KLF8: variants seen among roughly 807,000 people sequenced by gnomAD.
The protein encoded by KLF8 is KLF transcription factor 8.
In KLF8, 10 loss-of-function variants were observed where a neutral mutation model predicts 18.2. The ratio of observed to expected loss-of-function variants is 0.55; its 90% CI spans 0.34 to 0.93. The LOEUF (loss-of-function observed/expected upper bound fraction) is 0.93, where lower values mean the gene tolerates loss of function less well. Ranked by LOEUF, KLF8 falls within the 40% of genes least tolerant of loss-of-function variation. KLF8 has a pLI of 0.02. For synonymous variants in KLF8, 109 were observed against 97.3 expected (o/e 1.12, Z -0.71); for missense variants, 264 against 277.9 (o/e 0.95, Z 0.36).
the KLF8 span, among the ~76,000 whole-genome samples, chrX:56,132,405 T>C: frequency 1.8e-5 from 2 of 111,566 alleles, no homozygotes; most frequent in South Asian, 7.5e-4. Flanking sequence ...AACAATGAAA[T>C]GAAGAGGCAA....
At chrX:55,985,625 T>A in the KLF8 span, among the ~76,000 whole-genome samples, 452 of 87,827 alleles carry the variant, frequency 5.1e-3, 3 homozygotes, top group African/African-American at 0.016. Context: ...TTTGGTTCCA[T>A]AAGAATTTTA....
the KLF8 span, among the ~76,000 whole-genome samples, chrX:56,064,999 T>C: frequency 9.0e-6 from 1 of 111,659 alleles, no homozygotes; most frequent in Non-Finnish European, 1.9e-5. Context: ...CGCCTTTATG[T>C]GCATTTTTGG....
chrX:56,107,844 G>A, the KLF8 span, among the ~76,000 whole-genome samples: 1 of 111,404 alleles, frequency 9.0e-6, no homozygotes, highest in Non-Finnish European at 1.9e-5. Flanking sequence ...GATCCTATTC[G>A]GCCATCTTAG....
chrX:56,048,435 A>G, the KLF8 span, among the ~76,000 whole-genome samples: 1 of 111,467 alleles, frequency 9.0e-6, no homozygotes, highest in Non-Finnish European at 1.9e-5. Context: ...ATCTTGAATT[A>G]ATTTTTGTAT....
chrX:56,187,060 C>A, the KLF8 span, among the ~76,000 whole-genome samples: 81 of 111,429 alleles, frequency 7.3e-4, 1 homozygote, highest in Admixed American at 7.7e-3. Context: ...ACAAAAAACC[C>A]TTCAAAAAAT....
At chrX:56,126,775 C>CGAA in the KLF8 span, among the ~76,000 whole-genome samples, 1 of 83,781 alleles carries the variant, frequency 1.2e-5, no homozygotes, top group African/African-American at 4.6e-5. Context: ...TTTTTTGAGA[C>CGAA]GAAGTCTCGC....
the KLF8 span, among the ~76,000 whole-genome samples, chrX:55,991,038 G>A: frequency 2.7e-5 from 3 of 112,168 alleles, no homozygotes; most frequent in Admixed American, 9.4e-5. Flanking sequence ...GTCAGACAGG[G>A]ACATTTAAGT....
the KLF8 span, among the ~76,000 whole-genome samples, chrX:56,045,484 T>C: frequency 8.9e-6 from 1 of 112,360 alleles, no homozygotes; most frequent in African/African-American, 3.2e-5. Flanking sequence ...TAGATTGCTT[T>C]TAGCAGTATG....
At chrX:56,189,615 C>G in the KLF8 span, among the ~76,000 whole-genome samples, 3 of 110,679 alleles carry the variant, frequency 2.7e-5, no homozygotes, top group Admixed American at 9.6e-5. Context: ...GTCTTGGAAC[C>G]AAGCCAAATG....
chrX:56,129,270 G>T, the KLF8 span, among the ~76,000 whole-genome samples: 1 of 112,073 alleles, frequency 8.9e-6, no homozygotes, highest in South Asian at 3.7e-4. Context: ...GACCAGAAAA[G>T]CTGAGAGAAT....
the KLF8 span, among the ~76,000 whole-genome samples, chrX:55,927,606 G>C: frequency 8.9e-6 from 1 of 112,011 alleles, no homozygotes; most frequent in African/African-American, 3.2e-5. Context: ...TAATTTTCCA[G>C]TCTAGGGATT....
the KLF8 span, among the ~76,000 whole-genome samples, chrX:56,050,582 G>A: frequency 8.9e-6 from 1 of 112,304 alleles, no homozygotes; most frequent in Non-Finnish European, 1.9e-5. Flanking sequence ...GTGGTTTTCA[G>A]TGAGATTCTT....
chrX:55,918,769 CT>C, the KLF8 span, among the ~76,000 whole-genome samples: 2 of 111,254 alleles, frequency 1.8e-5, no homozygotes, highest in African/African-American at 6.5e-5. Context: ...TGTGTCTTCA[CT>C]TGTCACTTTC....
chrX:56,170,297 C>T, the KLF8 span, among the ~76,000 whole-genome samples: 7 of 110,261 alleles, frequency 6.3e-5, no homozygotes, highest in African/African-American at 2.0e-4. Context: ...TATCCACAAG[C>T]ATCAAGACCA....
At chrX:56,045,620 G>A in the KLF8 span, among the ~76,000 whole-genome samples, 1 of 111,639 alleles carries the variant, frequency 9.0e-6, no homozygotes, top group African/African-American at 3.2e-5. Flanking sequence ...TGTCTTTCAT[G>A]TCCTTGGTTA....
the KLF8 span, among the ~76,000 whole-genome samples, chrX:56,094,904 C>A: frequency 9.0e-6 from 1 of 111,057 alleles, no homozygotes. Flanking sequence ...TTGGATGAAC[C>A]AATGTCATTA....
chrX:56,260,976 G>A (rs1271726115), intron 2 of KLF8, among the ~76,000 whole-genome samples: 1 of 111,555 alleles, frequency 9.0e-6, no homozygotes, highest in Non-Finnish European at 1.9e-5. Context: ...CATCAGAGCT[G>A]TTTCAAATAC....
At chrX:56,121,052 G>A in the KLF8 span, among the ~76,000 whole-genome samples, 13 of 109,619 alleles carry the variant, frequency 1.2e-4, no homozygotes, top group Admixed American at 9.7e-5. Context: ...CGGACGTGGT[G>A]GCGGGCACCT....
the KLF8 span, among the ~76,000 whole-genome samples, chrX:56,030,316 A>G: frequency 9.0e-6 from 1 of 111,334 alleles, no homozygotes; most frequent in Non-Finnish European, 1.9e-5. Context: ...GGATTTTGGT[A>G]ATCGGCTGGG....
Sources: gnomAD v4.1 joint callset for allele counts (sites outside exome capture counted in the v4.1 genomes callset) on GRCh38, gnomAD v4.1.1 for gene constraint, MANE v1.5 for transcripts, NCBI Gene and HGNC (gene_info 2026-07-23, HGNC 2026-07-21) for gene names.